CLDND1: variants seen among roughly 807,000 people sequenced by gnomAD.
The protein encoded by CLDND1 is claudin domain-containing protein 1.
A neutral mutation model predicts 26.3 loss-of-function variants in CLDND1; 13 were observed. The observed-to-expected ratio is 0.49, with a 90% confidence interval of 0.32 to 0.78. The LOEUF (loss-of-function observed/expected upper bound fraction) is 0.78, where lower values mean the gene tolerates loss of function less well. CLDND1 is among the 30% of genes least tolerant of loss of function. CLDND1 has a pLI of 0.03. For missense variants in CLDND1, 289 were observed against 312.8 expected (o/e 0.92, Z 0.57); for synonymous variants, 107 against 107.0 (o/e 1.00, Z 0.00).
intron 1 of CLDND1, 50 bp downstream of exon 1, chr3:98,522,799 T>G (rs1230463549): frequency 1.2e-6 from 2 of 1,613,430 alleles, no homozygotes; most frequent in Non-Finnish European, 8.5e-7. Context: ...GCCGGGAACA[T>G]GGAACCGCGA....
rs201394279 is a variant in CLDND1, at chr3:98,521,224, T to G, written c.201A>C (p.Ala67=). Residue 67 remains alanine, a synonymous_variant, in exon 2 of 5, where the codon GCA becomes GCC. Coordinates refer to ENST00000341181, the MANE Select transcript of CLDND1 (RefSeq NM_001040181.2). ...DEADEKTYND[A]LFRYNGTVGL... is the part of the protein sequence containing the mutation. ...CCACTGTGCCATTGTATCGAAAAAG[T>G]GCATCATTATAAGTCTTTTCATCTG... is the stretch of plus-strand genomic sequence containing the variant. The G allele has an allele frequency of 2.5e-6, 4 of 1,614,098 alleles. No individual in the cohort carries two copies. Among genetic ancestry groups the G allele is most frequent in the Non-Finnish European group, 3.4e-6 (4 of 1,180,038 alleles).
intron 1 of CLDND1, 144 bp from the exon 2 acceptor site, chr3:98,521,586 G>C: frequency 1.3e-6 from 2 of 1,517,990 alleles, no homozygotes; most frequent in Non-Finnish European, 1.8e-6. Context: ...TAGAAAGCAA[G>C]CATGTTTTTA....
At chr3:98,518,276 T>TGA (rs1370669274) in intron 3 of CLDND1, among the ~76,000 whole-genome samples, 1 of 152,206 alleles carries the variant, frequency 6.6e-6, no homozygotes, top group African/African-American at 2.4e-5. Context: ...ACCTACCTCT[T>TGA]ATTCAACCTT....
At position 98,522,876 on chromosome 3, in the gene CLDND1, A is replaced by C. The variant is rs1465347714; in HGVS notation, c.-46T>G. 1 of 1,613,138 alleles carries C rather than the reference A, an allele frequency of 6.2e-7. No homozygotes were observed. The highest frequency in any genetic ancestry group is 8.5e-7 in the Non-Finnish European group (1 of 1,179,532). On this transcript the variant is annotated 5_prime_UTR_variant, in exon 1 of 5. Transcript: ENST00000341181. Reference sequence around the variant, plus strand: ...CCCATCCTCCTGCTCCGCCAGCTTCACCCTCTAGCTCAGACCACAGCACCC... The same window carrying C: ...CCCATCCTCCTGCTCCGCCAGCTTCCCCCTCTAGCTCAGACCACAGCACCC...
At chr3:98,522,499 A>AT in intron 1 of CLDND1, 1 of 1,186,850 alleles carries the variant, frequency 8.4e-7, no homozygotes, top group Non-Finnish European at 1.0e-6. Flanking sequence ...TTGTATTTTG[A>AT]TTTTTTAAAA....
chr3:98,517,711 T>A (rs1213030315), intron 3 of CLDND1, among the ~76,000 whole-genome samples: 2 of 152,220 alleles, frequency 1.3e-5, no homozygotes, highest in South Asian at 2.1e-4. Context: ...TAAGGTACTT[T>A]AGCAACCTTG....
At chr3:98,522,666 C>T in intron 1 of CLDND1, 183 bp downstream of exon 1, 16 of 1,430,128 alleles carry the variant, frequency 1.1e-5, no homozygotes, top group Non-Finnish European at 1.5e-5. Flanking sequence ...GTGCTCGGCC[C>T]CGGGCCAGGG....
chr3:98,519,069 G>A (rs1258079569), intron 2 of CLDND1, 74 bp from the exon 3 acceptor site: 3 of 873,978 alleles, frequency 3.4e-6, no homozygotes, highest in Non-Finnish European at 5.5e-6. Flanking sequence ...ATTATTCTCT[G>A]AAGTAAAACA....
intron 2 of CLDND1, among the ~76,000 whole-genome samples, chr3:98,520,359 T>C (rs1157903893): frequency 6.6e-6 from 1 of 152,220 alleles, no homozygotes; most frequent in Non-Finnish European, 1.5e-5. Flanking sequence ...CATATTATCA[T>C]CCTTTTGATA....
chr3:98,520,146 C>G (rs1339530643), intron 2 of CLDND1, among the ~76,000 whole-genome samples: 1 of 152,110 alleles, frequency 6.6e-6, no homozygotes, highest in East Asian at 1.9e-4. Flanking sequence ...TGATGTTCTC[C>G]CAGCTAAGAG....
intron 1 of CLDND1, chr3:98,521,783 G>T: frequency 8.3e-7 from 1 of 1,208,584 alleles, no homozygotes; most frequent in Admixed American, 1.9e-5. Flanking sequence ...AGTGTACCGT[G>T]CACACATTTT....
At chr3:98,521,627 A>G (rs1161909599) in intron 1 of CLDND1, 185 bp from the exon 2 acceptor site, 2 of 1,594,908 alleles carry the variant, frequency 1.3e-6, no homozygotes, top group Admixed American at 1.7e-5. Flanking sequence ...CATTCTCATA[A>G]AAGTACTTAT....
rs537353748 is a variant in CLDND1 at position 98,517,927 on chromosome 3, TAAC to T, written c.404-741_404-739del. 3.0e-4 allele frequency among the ~76,000 whole-genome samples: 46 copies of T among 152,308 alleles called. No individual in the cohort carries two copies. In the East Asian group the frequency reaches 7.3e-3, roughly 24 times the overall value. On this transcript the variant is annotated intron_variant, in intron 3 of 4. Coordinates refer to ENST00000341181, the MANE Select transcript of CLDND1 (RefSeq NM_001040181.2). ...AGGTCTTTATATGATCTAAAGGCAGTAACAACAAGTAAATTAATGGTAATTATA... is the reference window on the plus strand; with the variant it reads ...AGGTCTTTATATGATCTAAAGGCAGTAACAAGTAAATTAATGGTAATTATA...
In CLDND1 at chr3:98,516,804, T is replaced by C. The variant is rs760831053; in HGVS notation, c.617A>G (p.Asp206Gly). 42 of 1,614,046 alleles carry C rather than the reference T, an allele frequency of 2.6e-5. No individual in the cohort carries two copies. Among genetic ancestry groups the C allele is most frequent in the Non-Finnish European group, 3.5e-5 (41 of 1,180,024 alleles). The change falls in exon 5 of 5, where the codon GAC becomes GGC. Residue 206 changes from aspartate (D) to glycine (G), a missense_variant. Physicochemically the swap from Asp to Gly is moderately conservative, Grantham distance 94. Coordinates refer to ENST00000341181, the MANE Select transcript of CLDND1 (RefSeq NM_001040181.2). ...CCATCCAAATTCACCGGATACATTG[T>C]CAGGGAGCTCTAGTTTCTGGTGGAG... ...ELLHQKLELP[D>G]NVSGEFGWSF...
In CLDND1 at chr3:98,515,971, T is replaced by C. The variant is rs1706122506; in HGVS notation, c.*688A>G. 2.5e-6 allele frequency: 3 copies of C among 1,202,120 alleles called. No individual in the cohort carries two copies. Among genetic ancestry groups the C allele is most frequent in the Non-Finnish European group, 2.1e-6 (2 of 947,684 alleles). The allele number at this position is 1,202,120 out of a possible 1,614,324, so 74.5% of individuals were successfully genotyped here. Reference sequence around the variant, plus strand: ...AAACAATTTGGTGGTACTGAAAATCTTACGGAGAGTTAAAAATAATACTAA... The same window carrying C: ...AAACAATTTGGTGGTACTGAAAATCCTACGGAGAGTTAAAAATAATACTAA... On this transcript the variant is annotated 3_prime_UTR_variant, in exon 5 of 5. Coordinates refer to ENST00000341181, the MANE Select transcript of CLDND1 (RefSeq NM_001040181.2).
rs1706129780 is a variant in CLDND1 at position 98,516,184 on chromosome 3, T to G, written c.*475A>C. Reference sequence around the variant, plus strand: ...GATAATTTCCCAATTTTATAGAGCTTAAATCTTTGAAAACAGCACTAATAC... The same window carrying G: ...GATAATTTCCCAATTTTATAGAGCTGAAATCTTTGAAAACAGCACTAATAC... On this transcript the variant is annotated 3_prime_UTR_variant, in exon 5 of 5. Coordinates refer to ENST00000341181, the MANE Select transcript of CLDND1 (RefSeq NM_001040181.2). 2 of 1,049,716 alleles carry G rather than the reference T, an allele frequency of 1.9e-6. No individual in the cohort carries two copies. Among genetic ancestry groups the G allele is most frequent in the African/African-American group, 3.4e-5 (2 of 58,296 alleles). The allele number at this position is 1,049,716 out of a possible 1,614,324, so 65.0% of individuals were successfully genotyped here.
chr3:98,522,717 C>T, intron 1 of CLDND1, 132 bp downstream of exon 1: 1 of 1,556,264 alleles, frequency 6.4e-7, no homozygotes, highest in Non-Finnish European at 8.7e-7. Context: ...GAGGGCTCGG[C>T]CCTGGGACAA....
At chr3:98,519,598 A>G (rs1274439688) in intron 2 of CLDND1, among the ~76,000 whole-genome samples, 1 of 152,178 alleles carries the variant, frequency 6.6e-6, no homozygotes, top group Non-Finnish European at 1.5e-5. Context: ...AGCCAGGGTG[A>G]CCAGATCAGG....
At chr3:98,520,460 T>C (rs1286722683) in intron 2 of CLDND1, among the ~76,000 whole-genome samples, 1 of 152,234 alleles carries the variant, frequency 6.6e-6, no homozygotes, top group Non-Finnish European at 1.5e-5. Context: ...AACTGTAAAG[T>C]TGTTCCTTAC....
Sources: gnomAD v4.1 joint callset for allele counts (sites outside exome capture counted in the v4.1 genomes callset) on GRCh38, gnomAD v4.1.1 for gene constraint, MANE v1.5 for transcripts, NCBI Gene and HGNC (gene_info 2026-07-23, HGNC 2026-07-21) for gene names.